The following RANBP2 variants were observed in gnomAD, a reference collection of about 807,000 sequenced individuals.
RANBP2 encodes the protein RAN binding protein 2, also known as E3 SUMO-protein ligase RanBP2.
In RANBP2, 57 loss-of-function variants were observed where a neutral mutation model predicts 303.6. The observed-to-expected ratio is 0.19, with a 90% CI of 0.15 to 0.23. The LOEUF (loss-of-function observed/expected upper bound fraction) is 0.23, where lower values mean the gene tolerates loss of function less well. Among genes scored for constraint, RANBP2 ranks in the 10% least tolerant of loss-of-function variants. The pLI, the probability that RANBP2 is intolerant of heterozygous loss-of-function variation, is 1.00. For missense variants in RANBP2, 3,138 were observed against 3,780.8 expected (o/e 0.83, Z 4.46); for synonymous variants, 1,167 against 1,301.5 (o/e 0.90, Z 2.23).
chr2:109,590,083 TATATATATACACAC>T, the RANBP2 span, among the ~76,000 whole-genome samples: 1 of 149,126 alleles, frequency 6.7e-6, no homozygotes, highest in Non-Finnish European at 1.5e-5. Flanking sequence ...CATATATATG[TATATATATACACAC>T]ATATATATGT....
At chr2:108,779,889 C>T (rs1678124821) in intron 25 of RANBP2, among the ~76,000 whole-genome samples, 1 of 152,146 alleles carries the variant, frequency 6.6e-6, no homozygotes, top group African/African-American at 2.4e-5. Context: ...CCAGCATTAG[C>T]TTCTTCAGGA....
chr2:109,114,519 C>G, the RANBP2 span, among the ~76,000 whole-genome samples: 2 of 151,848 alleles, frequency 1.3e-5, no homozygotes, highest in African/African-American at 4.8e-5. Context: ...TGATTCTTCT[C>G]TCTTTTCTTC....
the RANBP2 span, among the ~76,000 whole-genome samples, chr2:109,347,129 C>G: frequency 6.6e-6 from 1 of 152,182 alleles, no homozygotes; most frequent in Non-Finnish European, 1.5e-5. Context: ...GTTGCTGTGA[C>G]TATTCAGTAG....
Position 108,765,826 on chromosome 2 carries a change from G to A in RANBP2, c.5287G>A (p.Ala1763Thr). 3 of 1,614,170 alleles carry A rather than the reference G, an allele frequency of 1.9e-6. No homozygotes were observed. The highest frequency in any genetic ancestry group is 1.1e-5 in the South Asian group (1 of 91,090). ...TCAAACAACTGCAATTTCAACACCT[G>A]CCTCTTCGGAGATAAGCAAGGCTCC... ...QNQTTAISTP[A>T]SSEISKAPKS... Residue 1763 changes from alanine to threonine, a missense_variant, in exon 20 of 29, where the codon GCC becomes ACC. Ala to Thr is a moderately conservative substitution (Grantham distance 58). Coordinates refer to ENST00000283195, the MANE Select transcript of RANBP2 (RefSeq NM_006267.5).
the RANBP2 span, chr2:108,884,157 C>G: frequency 6.5e-6 from 1 of 152,728 alleles, no homozygotes; most frequent in East Asian, 1.9e-4. Context: ...TCTGCCTCGG[C>G]TTCCTAAAGT....
the RANBP2 span, among the ~76,000 whole-genome samples, chr2:109,701,436 G>A: frequency 1.3e-5 from 2 of 152,182 alleles, no homozygotes; most frequent in East Asian, 3.9e-4. Context: ...GTATGTGTAA[G>A]CTGTACAGTG....
the RANBP2 span, among the ~76,000 whole-genome samples, chr2:109,457,121 G>A: frequency 6.6e-6 from 1 of 152,210 alleles, no homozygotes; most frequent in South Asian, 2.1e-4. Flanking sequence ...GGGGACGATA[G>A]CACCTACCAC....
downstream of RANBP2, chr2:108,788,062 T>C: frequency 6.3e-7 from 1 of 1,598,508 alleles, no homozygotes; most frequent in South Asian, 1.1e-5. Context: ...TCAGTCTAAG[T>C]ATAAGAGAAG....
intron 20 of RANBP2, 110 bp downstream of exon 20, chr2:108,768,498 A>G (rs1397252578): frequency 1.9e-6 from 3 of 1,585,360 alleles, no homozygotes; most frequent in Non-Finnish European, 2.6e-6. Flanking sequence ...ATGCTTTGTG[A>G]ACACCCCCAA....
chr2:108,786,185 C>T (rs1056937692), downstream of RANBP2, among the ~76,000 whole-genome samples: 4 of 150,804 alleles, frequency 2.7e-5, no homozygotes, highest in African/African-American at 7.3e-5. Context: ...CTTTTTAATA[C>T]CCTGTTATAC....
In RANBP2 at chr2:108,782,772, T is replaced by C. The variant is rs1330225479; in HGVS notation, c.9279T>C (p.Ala3093=). ...ELFSNIVPRT[A]ENFRALCTGE... ...TTTCAAACATTGTTCCTCGGACTGC[T>C]GAGAACTTCAGAGCACTATGCACTG... Residue 3093 remains alanine (A), a synonymous_variant, in exon 28 of 29, where the codon GCT becomes GCC. Coordinates refer to ENST00000283195, the MANE Select transcript of RANBP2 (RefSeq NM_006267.5). 6.2e-7 allele frequency: 1 copy of C among 1,614,098 alleles called. No homozygotes were observed. Among genetic ancestry groups the C allele is most frequent in the African/African-American group, 1.3e-5 (1 of 74,928 alleles).
the RANBP2 span, among the ~76,000 whole-genome samples, chr2:109,374,384 T>C: frequency 6.6e-6 from 1 of 152,152 alleles, no homozygotes; most frequent in Non-Finnish European, 1.5e-5. Flanking sequence ...TGAACAGGTG[T>C]TTCCTGGGAC....
chr2:108,885,253 G>A, the RANBP2 span: 1 of 152,108 alleles, frequency 6.6e-6, no homozygotes, highest in Non-Finnish European at 1.5e-5. Context: ...TGTCCTGAGG[G>A]GCCAGTGCAG....
the RANBP2 span, among the ~76,000 whole-genome samples, chr2:109,038,729 G>T: frequency 6.6e-6 from 1 of 152,092 alleles, no homozygotes; most frequent in Non-Finnish European, 1.5e-5. Flanking sequence ...GGGATTACTG[G>T]GTTATAGCTT....
the RANBP2 span, among the ~76,000 whole-genome samples, chr2:109,518,743 G>A: frequency 1.3e-5 from 2 of 151,944 alleles, no homozygotes; most frequent in East Asian, 1.9e-4. Flanking sequence ...ACCCAAGACC[G>A]GGTAATTTAT....
At chr2:109,246,211 G>A in the RANBP2 span, among the ~76,000 whole-genome samples, 1,315 of 152,336 alleles carry the variant, frequency 8.6e-3, 6 homozygotes, top group Non-Finnish European at 0.014. Context: ...TACCGTAAAC[G>A]CAGTGGTTTA....
the RANBP2 span, among the ~76,000 whole-genome samples, chr2:109,078,276 A>AGCG: frequency 1.3e-5 from 1 of 76,804 alleles, no homozygotes; most frequent in Non-Finnish European, 2.6e-5. Flanking sequence ...GCGTATATAT[A>AGCG]TATATATATA....
the RANBP2 span, among the ~76,000 whole-genome samples, chr2:109,390,211 A>G: frequency 6.6e-6 from 1 of 152,176 alleles, no homozygotes; most frequent in Admixed American, 6.5e-5. Flanking sequence ...GTGGAGAATA[A>G]GTGATGCCCT....
the RANBP2 span, among the ~76,000 whole-genome samples, chr2:109,402,975 C>T: frequency 6.6e-6 from 1 of 152,050 alleles, no homozygotes; most frequent in East Asian, 1.9e-4. Context: ...TCCAACGCAT[C>T]GACTGCAGTT....
Sources: allele counts gnomAD v4.1 joint callset (sites outside exome capture counted in the v4.1 genomes callset), GRCh38; gene constraint gnomAD v4.1.1; transcripts MANE v1.5; gene names NCBI Gene and HGNC (gene_info 2026-07-23, HGNC 2026-07-21).